BCAS3: variants seen among roughly 807,000 people sequenced by gnomAD.
The protein encoded by BCAS3 is BCAS3 microtubule associated cell migration factor.
A neutral mutation model predicts 116.1 loss-of-function variants in BCAS3; 53 were observed. The observed-to-expected ratio is 0.46, with a 90% CI of 0.37 to 0.57. BCAS3 has a LOEUF of 0.57. Among genes scored for constraint, BCAS3 ranks in the 20% least tolerant of loss-of-function variants. BCAS3 has a pLI of 0.00. For missense variants in BCAS3, 917 were observed against 1,165.4 expected (o/e 0.79, Z 3.10); for synonymous variants, 391 against 408.2 (o/e 0.96, Z 0.51).
chr17:60,783,581 C>T, intron 6 of BCAS3, among the ~76,000 whole-genome samples: 1 of 152,194 alleles, frequency 6.6e-6, no homozygotes. Flanking sequence ...GTACTTTCCT[C>T]TTTATTTTGC....
chr17:60,775,604 A>G (rs1455176225), intron 6 of BCAS3, among the ~76,000 whole-genome samples: 1 of 151,888 alleles, frequency 6.6e-6, no homozygotes, highest in Non-Finnish European at 1.5e-5. Flanking sequence ...CATTTGTAGA[A>G]CATGGAAATA....
chr17:60,849,605 G>A (rs911657102), intron 7 of BCAS3, among the ~76,000 whole-genome samples: 1 of 152,156 alleles, frequency 6.6e-6, no homozygotes. Context: ...ATTATAACTT[G>A]TAGCTCAGGT....
In BCAS3 at chr17:61,333,417, C is replaced by T. The variant is rs1388791464; in HGVS notation, c.2426-34910C>T. Among the ~76,000 whole-genome samples, 1 of 152,146 alleles carries T rather than the reference C, an allele frequency of 6.6e-6. No individual in the cohort carries two copies. Among genetic ancestry groups the T allele is most frequent in the Non-Finnish European group, 1.5e-5 (1 of 68,030 alleles). ...AGGCCTAGGACAAAGTGGAGACGTC[C>T]TGTGAGGCAGGCAGGCCTCTGTCTC... On this transcript the variant is annotated intron_variant, in intron 22 of 23. Coordinates refer to ENST00000407086, the MANE Select transcript of BCAS3 (RefSeq NM_017679.5). This position sits in a 1 kb window ranked among gnomAD's most constrained non-coding sequence, Gnocchi z 4.8.
At position 61,128,172 on chromosome 17, in the gene BCAS3, T is replaced by G. The variant is rs895950005; in HGVS notation, c.2425+43608T>G. 1 of 985,294 alleles carries G rather than the reference T, an allele frequency of 1.0e-6. No individual in the cohort carries two copies. Among genetic ancestry groups the G allele is most frequent in the African/African-American group, 1.7e-5 (1 of 57,240 alleles). 61.0% of individuals were successfully genotyped at this position (985,294 alleles called of 1,614,324 possible). The stretch of plus-strand genomic sequence containing the variant: ...AACCTGACAACTCAATCTGGTTTTC[T>G]TTTAGGAAGCCTTCCACCAGGAATA... On this transcript the variant is annotated intron_variant, in intron 22 of 23. Transcript: ENST00000407086. This position sits in a 1 kb window ranked among gnomAD's most constrained non-coding sequence, Gnocchi z 4.1.
intron 14 of BCAS3, among the ~76,000 whole-genome samples, chr17:60,950,886 A>T (rs1256794629): frequency 2.0e-5 from 3 of 152,114 alleles, no homozygotes; most frequent in Admixed American, 6.5e-5. Flanking sequence ...TAGCTTTATG[A>T]CTTGATTTAT....
intron 22 of BCAS3, among the ~76,000 whole-genome samples, chr17:61,317,021 T>G (rs557559326): frequency 1.3e-5 from 2 of 152,322 alleles, no homozygotes; most frequent in African/African-American, 4.8e-5. Flanking sequence ...GCTTCAACAG[T>G]TCTGAGATAG....
chr17:61,242,834 T>A (rs2047630841), intron 22 of BCAS3, among the ~76,000 whole-genome samples: 1 of 122,168 alleles, frequency 8.2e-6, no homozygotes, highest in East Asian at 2.7e-4. Context: ...TTCTTCCAAA[T>A]GGAATTCTTT....
At chr17:61,038,803 G>A (rs960330501) in intron 18 of BCAS3, among the ~76,000 whole-genome samples, 3 of 151,382 alleles carry the variant, frequency 2.0e-5, no homozygotes, top group Non-Finnish European at 2.9e-5. Context: ...TGAGTAGCTG[G>A]GACCACAGGC....
rs929684192 is a variant in BCAS3, at chr17:61,140,553, TA to T, written c.2425+55992del. Among the ~76,000 whole-genome samples, 3 of 151,534 alleles carry T rather than the reference TA, an allele frequency of 2.0e-5. No homozygotes were observed. The highest frequency in any genetic ancestry group is 4.4e-5 in the Non-Finnish European group (3 of 67,934). On this transcript the variant is annotated intron_variant, in intron 22 of 23. Coordinates refer to ENST00000407086, the MANE Select transcript of BCAS3 (RefSeq NM_017679.5). The surrounding 1 kb of genome is among the most constrained non-coding windows in gnomAD (Gnocchi z 4.2). ...AATCACTGCAAGTGGATTCAATTTG[TA>T]AAGTCACATAAAAGTTGCTTATCTC...
intron 6 of BCAS3, among the ~76,000 whole-genome samples, chr17:60,793,176 CA>C (rs2046924259): frequency 6.6e-6 from 1 of 152,122 alleles, no homozygotes; most frequent in African/African-American, 2.4e-5. Flanking sequence ...CTGCTCACTG[CA>C]ACTTCTGCCT....
Position 61,380,524 on chromosome 17 carries a change from C to T in BCAS3, c.2594-11453C>T, listed in dbSNP as rs2059555726. 1.3e-6 allele frequency: 2 copies of T among 1,597,972 alleles called. No individual in the cohort carries two copies. The highest frequency in any genetic ancestry group is 1.7e-6 in the Non-Finnish European group (2 of 1,179,520). On this transcript the variant is annotated intron_variant, in intron 23 of 23. Transcript: ENST00000407086. The surrounding 1 kb of genome is among the most constrained non-coding windows in gnomAD (Gnocchi z 4.2). ...AATACAGACACAGCCCTTGACGTAG[C>T]AGTAAAAACCTTCCCCCCTGAGAGA...
rs1195707936 is a variant in BCAS3 at position 61,104,494 on chromosome 17, A to G, written c.2425+19930A>G. Among the ~76,000 whole-genome samples, 1 of 152,182 alleles carries G rather than the reference A, an allele frequency of 6.6e-6. No individual in the cohort carries two copies. The highest frequency in any genetic ancestry group is 1.5e-5 in the Non-Finnish European group (1 of 68,030). On this transcript the variant is annotated intron_variant, in intron 22 of 23. Coordinates refer to ENST00000407086, the MANE Select transcript of BCAS3 (RefSeq NM_017679.5). This position sits in a 1 kb window ranked among gnomAD's most constrained non-coding sequence, Gnocchi z 4.1. ...ATGCCTTGGAACATCAGTAATTACTATTTGAGGCAACCTTTGGGGATTGAG... is the reference window on the plus strand; with the variant it reads ...ATGCCTTGGAACATCAGTAATTACTGTTTGAGGCAACCTTTGGGGATTGAG...
intron 4 of BCAS3, among the ~76,000 whole-genome samples, chr17:60,696,129 T>C (rs2035560434): frequency 6.6e-6 from 1 of 152,230 alleles, no homozygotes; most frequent in African/African-American, 2.4e-5. Context: ...GAGATCCAGA[T>C]GGCTCAGTCT....
Position 61,355,404 on chromosome 17 carries a change from C to A in BCAS3, c.2426-12923C>A, listed in dbSNP as rs1362214062. On this transcript the variant is annotated intron_variant, in intron 22 of 23. Transcript: ENST00000407086. This position sits in a 1 kb window ranked among gnomAD's most constrained non-coding sequence, Gnocchi z 4.2. ...CCCTCCACCCCCTACCACCCAACTGCAAGAACACTTAAAAATTCTGGAATG... is the reference window on the plus strand; with the variant it reads ...CCCTCCACCCCCTACCACCCAACTGAAAGAACACTTAAAAATTCTGGAATG... Among the ~76,000 whole-genome samples, 1 of 151,872 alleles carries A rather than the reference C, an allele frequency of 6.6e-6. No individual in the cohort carries two copies. Among genetic ancestry groups the A allele is most frequent in the African/African-American group, 2.4e-5 (1 of 41,308 alleles).
intron 12 of BCAS3, among the ~76,000 whole-genome samples, chr17:60,914,825 C>T (rs993046642): frequency 7.9e-5 from 12 of 151,992 alleles, no homozygotes; most frequent in Non-Finnish European, 1.6e-4. Flanking sequence ...ACATAACATA[C>T]GAAATATGTG....
chr17:61,123,441 A>G (rs1271007805), intron 22 of BCAS3, among the ~76,000 whole-genome samples: 1 of 152,180 alleles, frequency 6.6e-6, no homozygotes, highest in African/African-American at 2.4e-5. Flanking sequence ...ACCCCTGTGA[A>G]GCTAAGAAAG....
chr17:61,084,432 G>A lies in BCAS3; in HGVS notation c.2328-35G>A. On this transcript the variant is annotated intron_variant, in intron 21 of 23. Coordinates refer to ENST00000407086, the MANE Select transcript of BCAS3 (RefSeq NM_017679.5). The surrounding 1 kb of genome is among the most constrained non-coding windows in gnomAD (Gnocchi z 5.5). Reference sequence around the variant, plus strand: ...GTAGCAAGTGACAGTTTTGATGCCAGTAACATATGTGAATTAAATTAAATT... The same window carrying A: ...GTAGCAAGTGACAGTTTTGATGCCAATAACATATGTGAATTAAATTAAATT... 6.5e-7 allele frequency: 1 copy of A among 1,545,904 alleles called. No individual in the cohort carries two copies. The highest frequency in any genetic ancestry group is 1.2e-5 in the South Asian group (1 of 86,824).
intron 14 of BCAS3, among the ~76,000 whole-genome samples, chr17:60,988,517 C>G (rs1008502434): frequency 6.6e-6 from 1 of 151,702 alleles, no homozygotes; most frequent in Non-Finnish European, 1.5e-5. Flanking sequence ...AGCAGTGAAG[C>G]CATTGGTCCT....
chr17:61,194,180 C>T (rs2080332898), intron 22 of BCAS3, among the ~76,000 whole-genome samples: 1 of 152,088 alleles, frequency 6.6e-6, no homozygotes, highest in Admixed American at 6.6e-5. Context: ...GCAGATTGTG[C>T]TATTAGCTCG....
Sources: allele counts gnomAD v4.1 joint callset (sites outside exome capture counted in the v4.1 genomes callset), GRCh38; gene constraint gnomAD v4.1.1; non-coding constraint Gnocchi (gnomAD v3.1); transcripts MANE v1.5; gene names NCBI Gene and HGNC (gene_info 2026-07-23, HGNC 2026-07-21).